LRWD1: variants seen among roughly 807,000 people sequenced by gnomAD.
The protein encoded by LRWD1 is leucine rich repeats and WD repeat domain containing 1, also known as leucine-rich repeat and WD repeat-containing protein 1.
LRWD1 carries 76 observed loss-of-function variants against 75.6 expected under a neutral mutation model. That is an observed-to-expected ratio of 1.01 (90% confidence interval 0.84 to 1.22). The LOEUF (loss-of-function observed/expected upper bound fraction) is 1.22. Among genes scored for constraint, LRWD1 ranks in the 50% most tolerant of loss-of-function variants. LRWD1 has a pLI of 0.00. For missense variants in LRWD1, 917 were observed against 862.0 expected (o/e 1.06, Z -0.80); for synonymous variants, 487 against 377.0 (o/e 1.29, Z -3.38).
chr7:102,471,212 G>A (rs548249937), intron 11 of LRWD1: 1 of 152,280 alleles, frequency 6.6e-6, no homozygotes, highest in African/African-American at 2.4e-5. Context: ...GATTACAGAT[G>A]TGAGCCATTG....
chr7:102,467,682 ACT>A, intron 4 of LRWD1, 35 bp from the exon 5 acceptor site: 1 of 1,542,670 alleles, frequency 6.5e-7, no homozygotes, highest in East Asian at 2.4e-5. Context: ...GGCACCTGGG[ACT>A]CTGCCCAGCT....
chr7:102,472,914 G>A lies in LRWD1; in HGVS notation c.1809G>A (p.Leu603=), dbSNP rs372715387. 2.3e-5 allele frequency: 37 copies of A among 1,613,656 alleles called. No homozygotes were observed. Among genetic ancestry groups the A allele is most frequent in the South Asian group, 2.1e-4 (19 of 91,074 alleles). Residue 603 remains leucine (L), a synonymous_variant, in exon 15 of 15, where the codon CTG becomes CTA. Coordinates refer to ENST00000292616, the MANE Select transcript of LRWD1 (RefSeq NM_152892.3). ...CTCCCCTCTCTCCCCACCAGATCCT[G>A]AAGTGGCCCCAGCCCTGGGCCCTTG... ...PAALQAPTQI[L]KWPQPWALGQ...
At chr7:102,469,432 G>A (rs1353359981) in intron 9 of LRWD1, 142 bp from the exon 10 acceptor site, 10 of 907,672 alleles carry the variant, frequency 1.1e-5, no homozygotes, top group East Asian at 7.5e-5. Flanking sequence ...GCCCAGGAGT[G>A]TTCCTGTCTC....
At chr7:102,469,942 C>T (rs1798136911) in intron 11 of LRWD1, 60 bp downstream of exon 11, 4 of 1,442,948 alleles carry the variant, frequency 2.8e-6, no homozygotes, top group Admixed American at 2.8e-5. Flanking sequence ...GCTGTTGGCC[C>T]AGATGGGCTC....
chr7:102,467,648 T>C, intron 4 of LRWD1, 71 bp from the exon 5 acceptor site: 1 of 1,514,152 alleles, frequency 6.6e-7, no homozygotes. Flanking sequence ...AAGCTCCCCC[T>C]GACTATGCAT....
intron 9 of LRWD1, 129 bp downstream of exon 9, chr7:102,469,191 C>T (rs771761544): frequency 3.4e-5 from 27 of 790,838 alleles, no homozygotes; most frequent in African/African-American, 5.2e-5. Flanking sequence ...TGCACCGCTC[C>T]GACTCTAGCT....
chr7:102,466,561 C>T (rs1244169345), intron 3 of LRWD1, among the ~76,000 whole-genome samples: 4 of 152,028 alleles, frequency 2.6e-5, no homozygotes, highest in African/African-American at 9.7e-5. Context: ...ATTACAAGCA[C>T]CTGCCACCAT....
chr7:102,469,138 C>T (rs1798108744), intron 9 of LRWD1, 76 bp downstream of exon 9: 3 of 1,347,202 alleles, frequency 2.2e-6, no homozygotes, highest in Non-Finnish European at 3.0e-6. Flanking sequence ...ACGCTCCCCT[C>T]CCTGGGATGG....
At chr7:102,466,399 C>G (rs1413167847) in intron 3 of LRWD1, 129 bp downstream of exon 3, 1 of 678,418 alleles carries the variant, frequency 1.5e-6, no homozygotes, top group African/African-American at 1.9e-5. Flanking sequence ...AGCCCCTAGC[C>G]TGATGTGCTA....
At chr7:102,467,161 GTGTGTGT>G (rs1798019436) in intron 3 of LRWD1, among the ~76,000 whole-genome samples, 171 bp from the exon 4 acceptor site, 1 of 16,536 alleles carries the variant, frequency 6.0e-5, no homozygotes, top group Admixed American at 5.9e-4. Flanking sequence ...TGTTGCTGGG[GTGTGTGT>G]GGGGTGTGTG....
intron 11 of LRWD1, chr7:102,471,824 G>T (rs1798198916): frequency 4.8e-6 from 1 of 207,942 alleles, no homozygotes. Context: ...CGTCTTTTGA[G>T]TCAGAGCAGA....
chr7:102,469,047 G>C lies in LRWD1; in HGVS notation c.1213G>C (p.Glu405Gln). ...IATLCFSPAH[E>Q]THLFTASYDK... Reference sequence around the variant, plus strand: ...CACCCTGTGCTTCAGCCCCGCCCACGAGACCCATCTCTTCAGTAAGCCCCT... The same window carrying C: ...CACCCTGTGCTTCAGCCCCGCCCACCAGACCCATCTCTTCAGTAAGCCCCT... The change falls in exon 9 of 15, where the codon GAG (glutamate) becomes CAG (glutamine). Residue 405 changes from glutamate (E) to glutamine (Q), a missense_variant. Coordinates refer to ENST00000292616, the MANE Select transcript of LRWD1 (RefSeq NM_152892.3). 6.2e-7 allele frequency: 1 copy of C among 1,606,950 alleles called. No individual in the cohort carries two copies. Among genetic ancestry groups the C allele is most frequent in the Non-Finnish European group, 8.5e-7 (1 of 1,176,788 alleles).
chr7:102,467,169 G>GTATGT (rs773521223), intron 3 of LRWD1, among the ~76,000 whole-genome samples, 170 bp from the exon 4 acceptor site: 1 of 19,856 alleles, frequency 5.0e-5, no homozygotes, highest in African/African-American at 1.5e-4. Context: ...GGGTGTGTGT[G>GTATGT]GGGTGTGTGT....
At position 102,472,680 on chromosome 7, in the gene LRWD1, C is replaced by G. The variant is rs781168007; in HGVS notation, c.1691-12C>G. On this transcript the variant is annotated splice_polypyrimidine_tract_variant and intron_variant, in intron 13 of 14. Coordinates refer to ENST00000292616, the MANE Select transcript of LRWD1 (RefSeq NM_152892.3). ...CTCTGCCCCCACTCAGACTCCACCT[C>G]TGTCCCGGCAGATAAGGGGATTGTG... The G allele has an allele frequency of 1.2e-6, 2 of 1,613,406 alleles. No homozygotes were observed.
chr7:102,472,893 CCT>C lies in LRWD1; in HGVS notation c.1804-10_1804-9del, dbSNP rs777780953. On this transcript the variant is annotated splice_polypyrimidine_tract_variant and intron_variant, in intron 14 of 14. Coordinates refer to ENST00000292616, the MANE Select transcript of LRWD1 (RefSeq NM_152892.3). ...CAGCAGGAGCCCAGCCCAGCCCTCC[CCT>C]CTCTCCCCACCAGATCCTGAAGTGG... 197 of 1,612,790 alleles carry C rather than the reference CCT, an allele frequency of 1.2e-4. No homozygotes were observed. The highest frequency in any genetic ancestry group is 1.6e-4 in the Non-Finnish European group (186 of 1,179,242).
chr7:102,466,294 T>A (rs774131934), intron 3 of LRWD1, 24 bp downstream of exon 3: 2 of 1,578,328 alleles, frequency 1.3e-6, no homozygotes, highest in East Asian at 4.5e-5. Context: ...AGGATTATTG[T>A]GTGCTTAGGA....
In LRWD1 at chr7:102,473,055, C is replaced by A; in HGVS notation, c.*6C>A. The A allele has an allele frequency of 6.2e-7, 1 of 1,609,796 alleles. No homozygotes were observed. The highest frequency in any genetic ancestry group is 8.5e-7 in the Non-Finnish European group (1 of 1,177,244). On this transcript the variant is annotated 3_prime_UTR_variant, in exon 15 of 15. Transcript: ENST00000292616. The stretch of plus-strand genomic sequence containing the variant: ...CCATCTGGGGGAGGATGTAGCCTCA[C>A]ACCATCGCAAAGGACCAGGGACACA...
chr7:102,473,152 T>G lies in LRWD1; in HGVS notation c.*103T>G, dbSNP rs181911821. 2 of 1,312,336 alleles carry G rather than the reference T, an allele frequency of 1.5e-6. No homozygotes were observed. The highest frequency in any genetic ancestry group is 3.0e-5 in the African/African-American group (2 of 67,570). 81.3% of individuals were successfully genotyped at this position (1,312,336 alleles called of 1,614,324 possible). A position where few individuals can be genotyped will look rare whatever the true frequency, so the allele number is the denominator to read the frequency against. Reference sequence around the variant, plus strand: ...CTTTCAGTGAATATTTTTATTAAACTCTACTGTGGACAAGAAGCCTGTGGA... The same window carrying G: ...CTTTCAGTGAATATTTTTATTAAACGCTACTGTGGACAAGAAGCCTGTGGA... On this transcript the variant is annotated 3_prime_UTR_variant, in exon 15 of 15. Transcript: ENST00000292616.
chr7:102,465,057 C>A lies in LRWD1; in HGVS notation c.-24C>A, dbSNP rs1346822174. On this transcript the variant is annotated 5_prime_UTR_variant, in exon 1 of 15. Coordinates refer to ENST00000292616, the MANE Select transcript of LRWD1 (RefSeq NM_152892.3). The stretch of plus-strand genomic sequence containing the variant: ...CACACGCCGGGGTGGCCGACTGGGT[C>A]AGCGCGGGCTGCGCCTCCTCGCCAT... 3.4e-6 allele frequency: 5 copies of A among 1,473,348 alleles called. No homozygotes were observed. Among genetic ancestry groups the A allele is most frequent in the South Asian group, 1.3e-5 (1 of 75,488 alleles). The allele number at this position is 1,473,348 out of a possible 1,614,324, so 91.3% of individuals were successfully genotyped here. A position where few individuals can be genotyped will look rare whatever the true frequency, so the allele number is the denominator to read the frequency against.
Sources: allele counts gnomAD v4.1 joint callset (sites outside exome capture counted in the v4.1 genomes callset), GRCh38; gene constraint gnomAD v4.1.1; transcripts MANE v1.5; gene names NCBI Gene and HGNC (gene_info 2026-07-23, HGNC 2026-07-21).